SRRM4: variants seen among roughly 807,000 people sequenced by gnomAD.
The protein encoded by SRRM4 is serine/arginine repetitive matrix 4.
A neutral mutation model predicts 68.9 loss-of-function variants in SRRM4; 33 were observed. The ratio of observed to expected loss-of-function variants is 0.48; its 90% confidence interval spans 0.36 to 0.64. SRRM4 has a LOEUF of 0.64. Ranked by LOEUF, SRRM4 falls within the 30% of genes least tolerant of loss-of-function variation. SRRM4 has a pLI of 0.00. For missense variants in SRRM4, 817 were observed against 827.1 expected (o/e 0.99, Z 0.15); for synonymous variants, 318 against 318.8 (o/e 1.00, Z 0.03).
rs369698646 is a variant in SRRM4, at chr12:119,151,111, C to T, written c.1171C>T (p.Arg391Cys). The T allele has an allele frequency of 6.8e-5, 110 of 1,613,834 alleles. No individual in the cohort carries two copies. The highest frequency in any genetic ancestry group is 1.6e-4 in the East Asian group (7 of 44,872). ...ARSSPMKGCSRSSSYASTRSS... is the reference protein window; with the variant it reads ...ARSSPMKGCSCSSSYASTRSS... ...GAGCTCACCCATGAAAGGGTGTTCC[C>T]GCAGCTCCTCCTATGCCAGCACCCG... The change falls in exon 10 of 13, where the codon CGC becomes TGC. Residue 391 changes from arginine to cysteine, a missense_variant. By Grantham distance (180) the Arg-to-Cys change is radical. Coordinates refer to ENST00000267260, the MANE Select transcript of SRRM4 (RefSeq NM_194286.4).
intron 1 of SRRM4, among the ~76,000 whole-genome samples, chr12:119,077,398 C>G (rs1435001340): frequency 1.3e-5 from 2 of 151,304 alleles, no homozygotes; most frequent in African/African-American, 2.4e-5. Context: ...GATTCTGGCT[C>G]TATCATGTAC....
chr12:119,095,713 A>G (rs1954040030), intron 1 of SRRM4, among the ~76,000 whole-genome samples: 1 of 152,024 alleles, frequency 6.6e-6, no homozygotes, highest in Non-Finnish European at 1.5e-5. Context: ...AACACATAAG[A>G]CCAGTCCTAT....
rs775549365 is a variant in SRRM4 at position 119,102,255 on chromosome 12, C to T, written c.151C>T (p.Pro51Ser). Reference protein sequence around the residue: ...PLPRTEPQNNPVVPAQDGPSE... With the variant: ...PLPRTEPQNNSVVPAQDGPSE... ...CTGTAGGACAGAGCCCCAGAATAAC[C>T]CCGTTGTCCCAGCTCAGGATGGACC... The change falls in exon 2 of 13, where the codon CCC (proline) becomes TCC (serine). Residue 51 changes from proline to serine, a missense_variant. Coordinates refer to ENST00000267260, the MANE Select transcript of SRRM4 (RefSeq NM_194286.4). 20 of 1,613,222 alleles carry T rather than the reference C, an allele frequency of 1.2e-5. No homozygotes were observed. The highest frequency in any genetic ancestry group is 3.3e-5 in the Admixed American group (2 of 59,924).
intron 1 of SRRM4, among the ~76,000 whole-genome samples, chr12:119,092,458 C>G (rs1276531509): frequency 1.3e-5 from 1 of 76,080 alleles, no homozygotes; most frequent in Non-Finnish European, 2.6e-5. Flanking sequence ...ACATGCTTCC[C>G]CATCTCAGTT....
chr12:119,028,794 G>A (rs1953567198), intron 1 of SRRM4, among the ~76,000 whole-genome samples: 1 of 152,216 alleles, frequency 6.6e-6, no homozygotes, highest in African/African-American at 2.4e-5. Context: ...GCACATGCAG[G>A]AGAGACTTTT....
At chr12:119,036,779 CG>C (rs1012113794) in intron 1 of SRRM4, 1 of 152,366 alleles carries the variant, frequency 6.6e-6, no homozygotes, top group Admixed American at 6.5e-5. Context: ...GAAAGGAAAA[CG>C]GTACCTCCAA....
At chr12:119,017,439 C>G (rs1286333481) in intron 1 of SRRM4, among the ~76,000 whole-genome samples, 1 of 152,254 alleles carries the variant, frequency 6.6e-6, no homozygotes, top group East Asian at 1.9e-4. Flanking sequence ...CCCCTCAAGA[C>G]TGTGGGCTTG....
chr12:119,065,463 G>A (rs879476344), intron 1 of SRRM4, among the ~76,000 whole-genome samples: 9 of 152,258 alleles, frequency 5.9e-5, no homozygotes, highest in Middle Eastern at 3.4e-3. Flanking sequence ...GTGGCCAGGT[G>A]CGGTGGTTCA....
At chr12:119,119,050 AT>A (rs34814921) in intron 4 of SRRM4, among the ~76,000 whole-genome samples, 5,612 of 135,694 alleles carry the variant, frequency 0.041, 165 homozygotes, top group East Asian at 0.1. Context: ...AAGCACTGAG[AT>A]TTTTTTTTTT....
chr12:119,000,725 G>A (rs1025254615), intron 1 of SRRM4: 3 of 152,132 alleles, frequency 2.0e-5, no homozygotes, highest in Admixed American at 6.6e-5. Flanking sequence ...TATTCATTCC[G>A]AGTTTTCTCA....
chr12:119,062,472 T>C (rs1390754681), intron 1 of SRRM4, among the ~76,000 whole-genome samples: 4 of 152,224 alleles, frequency 2.6e-5, no homozygotes, highest in Admixed American at 6.5e-5. Flanking sequence ...TTTAAGCTTT[T>C]CATTATTTTA....
chr12:119,129,762 T>A (rs910693922), intron 7 of SRRM4, among the ~76,000 whole-genome samples: 1 of 152,230 alleles, frequency 6.6e-6, no homozygotes. Context: ...AAGGAATGAA[T>A]AGATGGATGG....
chr12:119,079,867 T>C (rs557884827), intron 1 of SRRM4, among the ~76,000 whole-genome samples: 22 of 141,404 alleles, frequency 1.6e-4, no homozygotes, highest in Non-Finnish European at 2.1e-4. Flanking sequence ...TACAAGGCCG[T>C]ATATGAAATG....
At chr12:119,076,667 G>A (rs1953918257) in intron 1 of SRRM4, among the ~76,000 whole-genome samples, 1 of 152,206 alleles carries the variant, frequency 6.6e-6, no homozygotes, top group Admixed American at 6.5e-5. Flanking sequence ...GGAAGTTGTC[G>A]AGATCTGAAA....
rs550723399 is a variant in SRRM4, at chr12:119,086,788, A to G, written c.132-15448A>G. On this transcript the variant is annotated intron_variant, in intron 1 of 12. Transcript: ENST00000267260. ...CCCTAAGGGCAACGAATACCCCCAG[A>G]GTTTTGAGCCTAGAAAAGATCCCTC... 5.7e-4 allele frequency among the ~76,000 whole-genome samples: 87 copies of G among 152,356 alleles called. 1 individual carries two copies. The highest frequency in any genetic ancestry group is 1.2e-3 in the Non-Finnish European group (79 of 68,038).
At chr12:119,000,286 C>T (rs986938048) in intron 1 of SRRM4, among the ~76,000 whole-genome samples, 14 of 152,198 alleles carry the variant, frequency 9.2e-5, no homozygotes, top group African/African-American at 2.9e-4. Context: ...ACCTCGGAGT[C>T]GTTTTACAGG....
chr12:119,059,955 A>C (rs776302815), intron 1 of SRRM4, among the ~76,000 whole-genome samples: 1 of 152,156 alleles, frequency 6.6e-6, no homozygotes, highest in African/African-American at 2.4e-5. Context: ...CTGGTTCATC[A>C]GCCAGTTCTC....
chr12:118,986,400 G>T (rs1441497936), intron 1 of SRRM4, among the ~76,000 whole-genome samples: 1 of 152,096 alleles, frequency 6.6e-6, no homozygotes, highest in African/African-American at 2.4e-5. Flanking sequence ...GGTTGCAGGG[G>T]GTCATTTCTG....
intron 1 of SRRM4, among the ~76,000 whole-genome samples, chr12:119,006,186 C>A (rs754042078): frequency 9.1e-4 from 138 of 152,206 alleles, no homozygotes; most frequent in Non-Finnish European, 1.7e-3. Context: ...CTGAGCTGCT[C>A]TGTCTGACAT....
Sources: gnomAD v4.1 joint callset for allele counts (sites outside exome capture counted in the v4.1 genomes callset) on GRCh38, gnomAD v4.1.1 for gene constraint, MANE v1.5 for transcripts, NCBI Gene and HGNC (gene_info 2026-07-23, HGNC 2026-07-21) for gene names.